The following SLC15A4 variants were observed in gnomAD, a reference collection of about 807,000 sequenced individuals.
SLC15A4 encodes solute carrier family 15 member 4, also known as hPHT1.
In SLC15A4, 26 loss-of-function variants were observed where a neutral mutation model predicts 46.1. The ratio of observed to expected loss-of-function variants is 0.56; its 90% CI spans 0.41 to 0.78. The LOEUF is 0.78. Among genes scored for constraint, SLC15A4 ranks in the 30% least tolerant of loss-of-function variants. The pLI, the probability that SLC15A4 is intolerant of heterozygous loss-of-function variation, is 0.00. For missense variants in SLC15A4, 751 were observed against 755.7 expected (o/e 0.99, Z 0.07); for synonymous variants, 370 against 333.4 (o/e 1.11, Z -1.20).
intron 1 of SLC15A4, among the ~76,000 whole-genome samples, 164 bp downstream of exon 1, chr12:128,823,234 C>T (rs1412736180): frequency 6.6e-6 from 1 of 152,250 alleles, no homozygotes; most frequent in Non-Finnish European, 1.5e-5. Flanking sequence ...CCGGTACCTC[C>T]AGTCTTGGCC....
rs1955894911 is a variant in SLC15A4 at position 128,823,856 on chromosome 12, ACGCCCCAGCCGC to A, written c.76_87del (p.Ala26_Ala29del). 8 of 1,228,416 alleles carry A rather than the reference ACGCCCCAGCCGC, an allele frequency of 6.5e-6. No individual in the cohort carries two copies. The African/African-American group carries it at 9.5e-5, about 15-fold the overall frequency. The allele number at this position is 1,228,416 out of a possible 1,614,324, so 76.1% of individuals were successfully genotyped here. A position where few individuals can be genotyped will look rare whatever the true frequency, so the allele number is the denominator to read the frequency against. On this transcript the variant is annotated inframe_deletion, in exon 1 of 8. Transcript: ENST00000266771. ...CCGCACGCCGCGCGCCGGCCCGCGA[ACGCCCCAGCCGC>A]CGCCGCGGCCGCCGCCGCCCGCCGC...
chr12:128,822,082 A>G (rs1296212050), intron 1 of SLC15A4, among the ~76,000 whole-genome samples: 6 of 152,092 alleles, frequency 3.9e-5, no homozygotes, highest in African/African-American at 1.4e-4. Context: ...ATCCGGCCCC[A>G]GCCTTCCACC....
chr12:128,821,848 T>C (rs1330637553), intron 1 of SLC15A4, among the ~76,000 whole-genome samples: 1 of 145,990 alleles, frequency 6.8e-6, no homozygotes, highest in South Asian at 2.1e-4. Context: ...ATCGCGCCAC[T>C]GCACTCCAAC....
chr12:128,815,361 A>C (rs554223660), intron 1 of SLC15A4: 2 of 191,810 alleles, frequency 1.0e-5, no homozygotes, highest in Admixed American at 1.4e-4. Flanking sequence ...TACCTGAACC[A>C]CTTGCCTTGG....
At chr12:128,813,029 C>T (rs1366664477) in intron 2 of SLC15A4, among the ~76,000 whole-genome samples, 2 of 152,194 alleles carry the variant, frequency 1.3e-5, no homozygotes, top group Non-Finnish European at 2.9e-5. Context: ...CAGAACAATG[C>T]TGTTCTCTTG....
chr12:128,817,391 AAAT>A (rs909692496), intron 1 of SLC15A4, among the ~76,000 whole-genome samples: 1 of 152,262 alleles, frequency 6.6e-6, no homozygotes, highest in African/African-American at 2.4e-5. Flanking sequence ...AAGTGCGAAA[AAAT>A]AACAAACAAA....
intron 7 of SLC15A4, among the ~76,000 whole-genome samples, chr12:128,798,398 T>C (rs1055746629): frequency 5.3e-5 from 8 of 152,140 alleles, no homozygotes. Flanking sequence ...CCATGGGACA[T>C]TGGTGGCTTG....
intron 7 of SLC15A4, among the ~76,000 whole-genome samples, chr12:128,798,935 G>C (rs936846553): frequency 1.3e-5 from 2 of 152,234 alleles, no homozygotes; most frequent in African/African-American, 4.8e-5. Context: ...GACTGAGCTG[G>C]ACGGGCGTGG....
chr12:128,805,724 G>A (rs547448773), intron 5 of SLC15A4, among the ~76,000 whole-genome samples: 4 of 152,192 alleles, frequency 2.6e-5, no homozygotes, highest in Non-Finnish European at 5.9e-5. Flanking sequence ...TAGAGATGGG[G>A]TTTCACCATG....
intron 1 of SLC15A4, 44 bp from the exon 2 acceptor site, chr12:128,815,114 CTT>C (rs1955733568): frequency 6.4e-7 from 1 of 1,565,512 alleles, no homozygotes; most frequent in Non-Finnish European, 8.7e-7. Context: ...ATATGACAGT[CTT>C]CAAGGATGAA....
chr12:128,823,492 CG>C lies in SLC15A4; in HGVS notation c.451del (p.Arg151AlafsTer60), dbSNP rs1297159673. On this transcript the variant is annotated frameshift_variant, in exon 1 of 8. Coordinates refer to ENST00000266771, the MANE Select transcript of SLC15A4 (RefSeq NM_145648.4). LOFTEE classifies it high-confidence loss of function. ...CTAPGPDAAA[R>X]CCSPATFAGL... ...CGCGAAGGTGGCCGGTGAGCAGCAG[CG>C]GGCGGCGGCGTCGGGACCAGGCGCC... The C allele has an allele frequency of 6.7e-7, 1 of 1,484,090 alleles. No individual in the cohort carries two copies. Among genetic ancestry groups the C allele is most frequent in the Non-Finnish European group, 8.9e-7 (1 of 1,124,280 alleles). The allele number at this position is 1,484,090 out of a possible 1,614,324, so 91.9% of individuals were successfully genotyped here.
rs34407311 is a variant in SLC15A4 at position 128,806,902 on chromosome 12, C to CTTTTT, written c.1258+1881_1258+1885dup. On this transcript the variant is annotated intron_variant, in intron 5 of 7. Transcript: ENST00000266771. Reference sequence around the variant, plus strand: ...TGATGTGCTGTGGATTTTGCTAGCGCTTTTTTTTTTTTTTTTTTTTGAGAC... The same window carrying CTTTTT: ...TGATGTGCTGTGGATTTTGCTAGCGCTTTTTTTTTTTTTTTTTTTTTTTTTGAGAC... 7.6e-4 allele frequency among the ~76,000 whole-genome samples: 82 copies of CTTTTT among 108,304 alleles called. 2 individuals carry two copies. Among genetic ancestry groups the CTTTTT allele is most frequent in the Non-Finnish European group, 9.7e-4 (55 of 56,512 alleles). 71.1% of individuals were successfully genotyped at this position (108,304 alleles called of 152,430 possible). A position where few individuals can be genotyped will look rare whatever the true frequency, so the allele number is the denominator to read the frequency against.
intron 5 of SLC15A4, 82 bp downstream of exon 5, chr12:128,808,706 A>G: frequency 7.0e-7 from 1 of 1,433,004 alleles, no homozygotes; most frequent in Non-Finnish European, 9.6e-7. Context: ...AACCTGGGGC[A>G]CGACTGCGTG....
intron 5 of SLC15A4, among the ~76,000 whole-genome samples, chr12:128,805,385 T>G (rs1486526531): frequency 1.3e-5 from 2 of 152,070 alleles, no homozygotes; most frequent in Non-Finnish European, 2.9e-5. Flanking sequence ...CATTTGAAAA[T>G]AGTTCACTGA....
Position 128,809,487 on chromosome 12 carries a change from A to C in SLC15A4, c.1012-14T>G, listed in dbSNP as rs76869452. The C allele has an allele frequency of 6.4e-7, 1 of 1,566,434 alleles. No individual in the cohort carries two copies. Among genetic ancestry groups the C allele is most frequent in the Non-Finnish European group, 8.7e-7 (1 of 1,143,742 alleles). On this transcript the variant is annotated splice_polypyrimidine_tract_variant and intron_variant, in intron 3 of 7. Transcript: ENST00000266771. ...TGTTGTCTGCATCTAGGTATAAAAA[A>C]CAGTATCATTATATGTGGACCAACT... is the stretch of plus-strand genomic sequence containing the variant.
At chr12:128,801,455 T>C in intron 5 of SLC15A4, 1 of 155,822 alleles carries the variant, frequency 6.4e-6, no homozygotes, top group South Asian at 1.9e-4. Context: ...TACTGATTTA[T>C]TATTATAACA....
rs1452110865 is a variant in SLC15A4, at chr12:128,800,878, T to A, written c.1390A>T (p.Ser464Cys). 8.1e-6 allele frequency: 13 copies of A among 1,613,178 alleles called. No homozygotes were observed. Among genetic ancestry groups the A allele is most frequent in the Non-Finnish European group, 1.0e-5 (12 of 1,179,790 alleles). ...QVPQYLLIGI[S>C]EIFASIAGLE... is the part of the protein sequence containing the mutation. ...CCTGCGATACTTGCAAAGATCTCGC[T>A]GATCCCAATCAGCAAGTACTGCGGC... The change falls in exon 6 of 8, where the codon AGC becomes TGC. Residue 464 changes from serine to cysteine, a missense_variant. Coordinates refer to ENST00000266771, the MANE Select transcript of SLC15A4 (RefSeq NM_145648.4).
At chr12:128,820,681 G>A (rs995371259) in intron 1 of SLC15A4, among the ~76,000 whole-genome samples, 2 of 152,192 alleles carry the variant, frequency 1.3e-5, no homozygotes, top group African/African-American at 2.4e-5. Context: ...TAGACATGTA[G>A]ACATGTAGCA....
chr12:128,801,264 A>C (rs1223942257), intron 5 of SLC15A4: 1 of 339,982 alleles, frequency 2.9e-6, no homozygotes, highest in Admixed American at 4.5e-5. Context: ...TCAGATGTTC[A>C]ACATGTTTCA....
Sources: gnomAD v4.1 joint callset for allele counts (sites outside exome capture counted in the v4.1 genomes callset) on GRCh38, gnomAD v4.1.1 for gene constraint, MANE v1.5 for transcripts, NCBI Gene and HGNC (gene_info 2026-07-23, HGNC 2026-07-21) for gene names.